TMCC2: variants seen among roughly 807,000 people sequenced by gnomAD.
TMCC2 encodes transmembrane and coiled-coil domains protein 2.
TMCC2 carries 16 observed loss-of-function variants against 49.4 expected under a neutral mutation model. That is an observed-to-expected ratio of 0.32 (90% CI 0.22 to 0.49). The LOEUF is 0.49. TMCC2 is among the 20% of genes least tolerant of loss of function. The probability of loss-of-function intolerance (pLI) is 0.99; values close to 1 mark genes in which losing one functional copy is unlikely to be tolerated. For missense variants in TMCC2, 762 were observed against 989.8 expected, an observed-to-expected ratio of 0.77 and a Z score of 3.09; for synonymous variants, 397 against 434.1, an observed-to-expected ratio of 0.91 and a Z score of 1.06.
intron 2 of TMCC2, among the ~76,000 whole-genome samples, chr1:205,247,752 C>T (rs1017596587): frequency 6.6e-6 from 1 of 152,026 alleles, no homozygotes; most frequent in African/African-American, 2.4e-5. Flanking sequence ...CATAAGCCTC[C>T]CCCACTCCCC....
At chr1:205,229,549 G>A (rs1471309783) in intron 1 of TMCC2, 2 of 629,356 alleles carry the variant, frequency 3.2e-6, no homozygotes, top group Non-Finnish European at 1.9e-6. Flanking sequence ...AAGGGGCGGG[G>A]GGGGGGGGGT....
intron 2 of TMCC2, among the ~76,000 whole-genome samples, chr1:205,265,600 C>T (rs1456196577): frequency 3.4e-5 from 5 of 148,694 alleles, no homozygotes; most frequent in Admixed American, 6.7e-5. Context: ...CTCGCTCTGT[C>T]GCCCAGGCTG....
intron 2 of TMCC2, among the ~76,000 whole-genome samples, chr1:205,259,675 G>A (rs1661024763): frequency 6.6e-6 from 1 of 152,246 alleles, no homozygotes; most frequent in Admixed American, 6.5e-5. Flanking sequence ...TTGACACGAG[G>A]ACACTGAGTT....
intron 2 of TMCC2, among the ~76,000 whole-genome samples, chr1:205,265,718 G>A (rs988922556): frequency 3.3e-5 from 5 of 151,116 alleles, no homozygotes; most frequent in South Asian, 2.1e-4. Context: ...CCGCCACCAC[G>A]CCCAGCTAAT....
chr1:205,236,190 G>GC (rs1254833901), intron 1 of TMCC2, among the ~76,000 whole-genome samples: 1 of 152,052 alleles, frequency 6.6e-6, no homozygotes, highest in Admixed American at 6.6e-5. Flanking sequence ...AAGGACATGA[G>GC]CCCCCTCCCA....
rs1661457163 is a variant in TMCC2, at chr1:205,268,930, C to T, written c.748-20C>T. 1 of 1,608,968 alleles carries T rather than the reference C, an allele frequency of 6.2e-7. No homozygotes were observed. Among genetic ancestry groups the T allele is most frequent in the African/African-American group, 1.3e-5 (1 of 74,994 alleles). On this transcript the variant is annotated intron_variant, in intron 2 of 4. Transcript: ENST00000358024. ...GTCCCAGGGTTTACCCATGCTTCCT[C>T]TGCCTGCCTCTTTCCCCAGGTCGAT...
intron 2 of TMCC2, among the ~76,000 whole-genome samples, chr1:205,259,764 A>C (rs1015087116): frequency 6.6e-6 from 1 of 152,230 alleles, no homozygotes; most frequent in Non-Finnish European, 1.5e-5. Context: ...GCAGCTCCTT[A>C]TAATCTGGCA....
intron 1 of TMCC2, among the ~76,000 whole-genome samples, chr1:205,230,573 C>T (rs747059807): frequency 3.3e-5 from 5 of 152,174 alleles, no homozygotes; most frequent in Non-Finnish European, 7.3e-5. Flanking sequence ...CATTCTGAGC[C>T]GGTCCAGATG....
chr1:205,252,470 C>T (rs1179210731), intron 2 of TMCC2, among the ~76,000 whole-genome samples: 1 of 152,218 alleles, frequency 6.6e-6, no homozygotes, highest in Non-Finnish European at 1.5e-5. Flanking sequence ...TCTCGCATTT[C>T]CCTGGGGGTT....
At chr1:205,263,885 C>G (rs915998098) in intron 2 of TMCC2, among the ~76,000 whole-genome samples, 2 of 152,166 alleles carry the variant, frequency 1.3e-5, no homozygotes, top group African/African-American at 4.8e-5. Context: ...AGCTACCCAG[C>G]CCTCCAAGGT....
In TMCC2 at chr1:205,269,859, C is replaced by A; in HGVS notation, c.1657C>A (p.Gln553Lys). Residue 553 changes from glutamine (Q) to lysine (K), a missense_variant, in exon 3 of 5, where the codon CAG becomes AAG. Gln to Lys is a moderately conservative substitution (Grantham distance 53, BLOSUM62 1). Around this residue, in one of 2 missense-constraint regions of TMCC2, gnomAD observed 440 missense variants for 636.7 expected, o/e 0.69. Transcript: ENST00000358024. ...QLQRDYTYMTQCLQEERYRYE... is the reference protein window; with the variant it reads ...QLQRDYTYMTKCLQEERYRYE... ...GCAGAGGGACTACACCTACATGACCCAGTGCCTGCAGGAGGAGCGCTACAG... is the reference window on the plus strand; with the variant it reads ...GCAGAGGGACTACACCTACATGACCAAGTGCCTGCAGGAGGAGCGCTACAG... 6.2e-7 allele frequency: 1 copy of A among 1,613,636 alleles called. No individual in the cohort carries two copies. The highest frequency in any genetic ancestry group is 1.1e-5 in the South Asian group (1 of 91,072).
rs773344796 is a variant in TMCC2, at chr1:205,269,846, C to T, written c.1644C>T (p.Tyr548=). 222 of 1,613,908 alleles carry T rather than the reference C, an allele frequency of 1.4e-4. No homozygotes were observed. Among genetic ancestry groups the T allele is most frequent in the Non-Finnish European group, 1.8e-4 (211 of 1,180,002 alleles). Residue 548 remains tyrosine, a synonymous_variant, in exon 3 of 5, where the codon TAC becomes TAT. Transcript: ENST00000358024. ...TGAAGACTCAGCTGCAGAGGGACTA[C>T]ACCTACATGACCCAGTGCCTGCAGG... ...EDLKTQLQRD[Y]TYMTQCLQEE...
chr1:205,256,549 C>A, intron 2 of TMCC2: 2 of 952,858 alleles, frequency 2.1e-6, no homozygotes, highest in South Asian at 1.5e-5. Flanking sequence ...GACAGGATCT[C>A]AGGGCAGAAG....
chr1:205,266,589 CA>C (rs61561095), intron 2 of TMCC2, among the ~76,000 whole-genome samples: 3 of 136,692 alleles, frequency 2.2e-5, no homozygotes, highest in African/African-American at 2.8e-5. Flanking sequence ...ACCCCGTCTC[CA>C]AAAAAAAACA....
intron 2 of TMCC2, among the ~76,000 whole-genome samples, chr1:205,268,581 T>C (rs1043364365): frequency 1.3e-5 from 2 of 152,102 alleles, no homozygotes; most frequent in Admixed American, 1.3e-4. Context: ...GCTACTGCAG[T>C]CCAGCCTGGG....
chr1:205,258,842 A>G lies in TMCC2; in HGVS notation c.748-10108A>G, dbSNP rs371037748. On this transcript the variant is annotated intron_variant, in intron 2 of 4. Coordinates refer to ENST00000358024, the MANE Select transcript of TMCC2 (RefSeq NM_014858.4). ...GGCTGTAGGCTTTCCTCTCCATCCT[A>G]GTCTGGTTGACCTCCCCTTCCATCT... is the stretch of plus-strand genomic sequence containing the variant. 9.9e-5 allele frequency among the ~76,000 whole-genome samples: 15 copies of G among 152,280 alleles called. 1 individual carries two copies. Among genetic ancestry groups the G allele is most frequent in the South Asian group, 4.1e-4 (2 of 4,820 alleles).
chr1:205,235,192 A>G (rs1574829443), intron 1 of TMCC2, among the ~76,000 whole-genome samples: 1 of 148,366 alleles, frequency 6.7e-6, no homozygotes, highest in Non-Finnish European at 1.5e-5. Flanking sequence ...CCTCCCCCCC[A>G]CCCCCTCCAG....
chr1:205,254,584 AACTATTG>A (rs983714850), intron 2 of TMCC2, among the ~76,000 whole-genome samples: 46 of 152,286 alleles, frequency 3.0e-4, no homozygotes, highest in African/African-American at 1.0e-3. Context: ...TCTCCTAGTG[AACTATTG>A]GTTCCCTCCT....
At position 205,229,545 on chromosome 1, in the gene TMCC2, C is replaced by CGGGGG. The variant is rs1241476015; in HGVS notation, c.207+783_207+787dup. The CGGGGG allele has an allele frequency of 8.4e-5, 25 of 298,764 alleles. No individual in the cohort carries two copies. The African/African-American group carries it at 1.8e-3, about 21-fold the overall frequency. The allele number at this position is 298,764 out of a possible 1,614,324, so 18.5% of individuals were successfully genotyped here. A position where few individuals can be genotyped will look rare whatever the true frequency, so the allele number is the denominator to read the frequency against. On this transcript the variant is annotated intron_variant, in intron 1 of 4. Coordinates refer to ENST00000358024, the MANE Select transcript of TMCC2 (RefSeq NM_014858.4). ...CTCAGTTTGCCGATCTGTGAAGGGG[C>CGGGGG]GGGGGGGGGGGGGTGGTGGCGGGGG...
Sources: allele counts gnomAD v4.1 joint callset (sites outside exome capture counted in the v4.1 genomes callset), GRCh38; gene constraint gnomAD v4.1.1; regional missense constraint gnomAD v4.1.1; transcripts MANE v1.5; gene names NCBI Gene and HGNC (gene_info 2026-07-23, HGNC 2026-07-21).